CUBN: variants seen among roughly 807,000 people sequenced by gnomAD.
CUBN encodes cubilin.
A neutral mutation model predicts 405.3 loss-of-function variants in CUBN; 282 were observed. The ratio of observed to expected loss-of-function variants is 0.70; its 90% CI spans 0.63 to 0.77. CUBN has a LOEUF of 0.77. CUBN is among the 30% of genes least tolerant of loss of function. CUBN has a pLI of 0.00. For synonymous variants in CUBN, 1,684 were observed against 1,617.0 expected (o/e 1.04, Z -0.99); for missense variants, 4,514 against 4,475.2 (o/e 1.01, Z -0.25).
chr10:16,925,795 G>A, intron 41 of CUBN, 21 bp from the exon 42 acceptor site: 1 of 1,611,942 alleles, frequency 6.2e-7, no homozygotes, highest in Non-Finnish European at 8.5e-7. Flanking sequence ...AGAAACAAAG[G>A]TCGGTTATTT....
At position 17,080,097 on chromosome 10, in the gene CUBN, G is replaced by C. The variant is rs115548062; in HGVS notation, c.2301+4174C>G. 8.8e-3 allele frequency among the ~76,000 whole-genome samples: 1,345 copies of C among 152,284 alleles called. 19 individuals are homozygous for C. Among genetic ancestry groups the C allele is most frequent in the African/African-American group, 0.031 (1,297 of 41,544 alleles). On this transcript the variant is annotated intron_variant, in intron 17 of 66. Coordinates refer to ENST00000377833, the MANE Select transcript of CUBN (RefSeq NM_001081.4). ...TAAATCTTAAAGATTTTACCAGGGA[G>C]TTGAGTTTCATCACATCTCACAGGT...
chr10:17,101,500 GA>G (rs35152912), intron 13 of CUBN, among the ~76,000 whole-genome samples: 88,097 of 151,266 alleles, frequency 0.58, 26,632 homozygotes, highest in Non-Finnish European at 0.67. Flanking sequence ...CTCCTCAAAG[GA>G]AAAAAAAATG....
chr10:17,051,802 A>G lies in CUBN; in HGVS notation c.3140-4199T>C, dbSNP rs146086601. On this transcript the variant is annotated intron_variant, in intron 22 of 66. Coordinates refer to ENST00000377833, the MANE Select transcript of CUBN (RefSeq NM_001081.4). ...AATGGACAGATATTTAAAAAAACAA[A>G]GAAAAAACAACAAATAGGTTAACAC... 2.6e-4 allele frequency among the ~76,000 whole-genome samples: 39 copies of G among 152,142 alleles called. No individual in the cohort carries two copies. In the East Asian group the frequency reaches 6.9e-3, roughly 27 times the overall value.
chr10:17,040,152 C>A (rs1472849792), intron 27 of CUBN, among the ~76,000 whole-genome samples: 1 of 152,012 alleles, frequency 6.6e-6, no homozygotes, highest in Non-Finnish European at 1.5e-5. Context: ...TCACTGACCA[C>A]CTTAAAAACA....
At chr10:16,866,050 G>T (rs990367998) in intron 59 of CUBN, among the ~76,000 whole-genome samples, 1 of 152,086 alleles carries the variant, frequency 6.6e-6, no homozygotes, top group African/African-American at 2.4e-5. Flanking sequence ...CTGCTGTCTT[G>T]CAGGGGACAC....
At chr10:17,062,753 A>G (rs1835529957) in intron 22 of CUBN, among the ~76,000 whole-genome samples, 1 of 152,230 alleles carries the variant, frequency 6.6e-6, no homozygotes, top group Non-Finnish European at 1.5e-5. Context: ...CCTTTATCAG[A>G]TGAAGACAAG....
chr10:16,960,239 C>T (rs550569952), intron 31 of CUBN, among the ~76,000 whole-genome samples: 1 of 152,298 alleles, frequency 6.6e-6, no homozygotes, highest in South Asian at 2.1e-4. Context: ...CGCCTGTAAT[C>T]CCAGCACTTT....
At chr10:16,882,633 AC>A (rs1353535108) in intron 56 of CUBN, among the ~76,000 whole-genome samples, 1 of 152,216 alleles carries the variant, frequency 6.6e-6, no homozygotes, top group East Asian at 1.9e-4. Flanking sequence ...GGGCCGAGAC[AC>A]CAAAGAGGAC....
chr10:17,006,048 G>A (rs1480544584), intron 28 of CUBN, among the ~76,000 whole-genome samples: 3 of 152,164 alleles, frequency 2.0e-5, no homozygotes, highest in African/African-American at 7.2e-5. Flanking sequence ...GAGGCCTCAG[G>A]AGAAACCAAC....
At position 16,928,532 on chromosome 10, in the gene CUBN, C is replaced by CTTTTTT. The variant is rs35335421; in HGVS notation, c.6125-235_6125-230dup. Among the ~76,000 whole-genome samples the CTTTTTT allele has an allele frequency of 1.2e-4, 13 of 107,114 alleles. 1 individual carries two copies. The highest frequency in any genetic ancestry group is 1.3e-4 in the Non-Finnish European group (7 of 54,034). The allele number at this position is 107,114 out of a possible 152,430, so 70.3% of individuals were successfully genotyped here. A position where few individuals can be genotyped will look rare whatever the true frequency, so the allele number is the denominator to read the frequency against. On this transcript the variant is annotated intron_variant, in intron 40 of 66. Coordinates refer to ENST00000377833, the MANE Select transcript of CUBN (RefSeq NM_001081.4). ...TACCCCCACCCCACCCCACCCCCCC[C>CTTTTTT]TTTTTTTTTTTTTTTGAGATGGAGT...
chr10:17,054,014 G>C (rs1835329574), intron 22 of CUBN, among the ~76,000 whole-genome samples: 1 of 151,988 alleles, frequency 6.6e-6, no homozygotes, highest in Non-Finnish European at 1.5e-5. Flanking sequence ...TTTTGAACTG[G>C]AAGTTACTGA....
intron 15 of CUBN, among the ~76,000 whole-genome samples, chr10:17,086,906 T>TA (rs1836122713): frequency 6.6e-6 from 1 of 152,222 alleles, no homozygotes; most frequent in Non-Finnish European, 1.5e-5. Context: ...AGGAATTTTT[T>TA]AAAGCCTCTA....
chr10:16,873,074 G>A (rs1426506713), intron 58 of CUBN, among the ~76,000 whole-genome samples: 3 of 152,154 alleles, frequency 2.0e-5, no homozygotes, highest in Non-Finnish European at 2.9e-5. Flanking sequence ...AATCTTTAGG[G>A]TAGAAAATGA....
At chr10:17,083,047 A>G (rs1836006895) in intron 17 of CUBN, among the ~76,000 whole-genome samples, 1 of 151,718 alleles carries the variant, frequency 6.6e-6, no homozygotes, top group African/African-American at 2.4e-5. Context: ...GCTGTTCTCA[A>G]AAGTTAAAAA....
At chr10:17,006,899 C>T (rs910958221) in intron 28 of CUBN, among the ~76,000 whole-genome samples, 41 of 152,302 alleles carry the variant, frequency 2.7e-4, no homozygotes, top group Middle Eastern at 3.4e-3. Context: ...AAGAAAAGGC[C>T]ACTTTTTCCT....
intron 22 of CUBN, among the ~76,000 whole-genome samples, chr10:17,054,174 T>C (rs1319270122): frequency 6.6e-6 from 1 of 151,670 alleles, no homozygotes; most frequent in Non-Finnish European, 1.5e-5. Flanking sequence ...CTACCAAAAA[T>C]ACAAAAATTA....
intron 54 of CUBN, among the ~76,000 whole-genome samples, chr10:16,898,266 A>G (rs558580141): frequency 6.6e-6 from 1 of 152,248 alleles, no homozygotes; most frequent in South Asian, 2.1e-4. Context: ...ATTATCTCCA[A>G]TGCTTAAAAC....
chr10:17,043,773 A>G (rs1455821312), intron 26 of CUBN, 54 bp downstream of exon 26: 2 of 1,606,872 alleles, frequency 1.2e-6, no homozygotes, highest in South Asian at 1.1e-5. Context: ...CTCTGCTGGT[A>G]TTCACACTTA....
Position 16,861,490 on chromosome 10 carries a change from A to G in CUBN, c.9454+8146T>C, listed in dbSNP as rs923644368. 4.6e-5 allele frequency among the ~76,000 whole-genome samples: 7 copies of G among 152,298 alleles called. No individual in the cohort carries two copies. In the East Asian group the frequency reaches 1.3e-3, roughly 29 times the overall value. ...GAATGCCTTCTTATCCTTCCAAAAT[A>G]ATACTATTTATAGCTAAAAATTCTC... On this transcript the variant is annotated intron_variant, in intron 59 of 66. Transcript: ENST00000377833.
Sources: gnomAD v4.1 joint callset for allele counts (sites outside exome capture counted in the v4.1 genomes callset) on GRCh38, gnomAD v4.1.1 for gene constraint, MANE v1.5 for transcripts, NCBI Gene and HGNC (gene_info 2026-07-23, HGNC 2026-07-21) for gene names.